The following DLG2 variants were observed in gnomAD, a reference collection of about 807,000 sequenced individuals.
The protein encoded by DLG2 is disks large homolog 2.
Under a neutral mutation model 132.5 loss-of-function variants are expected in DLG2, and 45 were observed. That is an observed-to-expected ratio of 0.34 (90% confidence interval 0.27 to 0.44). The LOEUF (loss-of-function observed/expected upper bound fraction) is 0.44, where lower values mean the gene tolerates loss of function less well. DLG2 is among the 20% of genes least tolerant of loss of function. The probability of loss-of-function intolerance (pLI) is 1.00; values close to 1 mark genes in which losing one functional copy is unlikely to be tolerated. For synonymous variants in DLG2, 424 were observed against 419.6 expected, an observed-to-expected ratio of 1.01 and a Z score of -0.13; for missense variants, 1,045 against 1,196.9, an observed-to-expected ratio of 0.87 and a Z score of 1.87.
At chr11:84,885,870 T>G (rs2088200180) in intron 6 of DLG2, among the ~76,000 whole-genome samples, 1 of 152,024 alleles carries the variant, frequency 6.6e-6, no homozygotes, top group South Asian at 2.1e-4. Flanking sequence ...GCAAGATAAC[T>G]CAATAATATT....
chr11:84,317,103 A>C (rs1166944161), intron 7 of DLG2: 11 of 1,612,440 alleles, frequency 6.8e-6, no homozygotes, highest in South Asian at 3.3e-5. Context: ...ATCCCATCGG[A>C]CCCCCGGCTG....
In DLG2 at chr11:84,678,788, T is replaced by A. The variant is rs553438286; in HGVS notation, c.358-144057A>T. Among the ~76,000 whole-genome samples the A allele has an allele frequency of 1.2e-4, 19 of 152,202 alleles. 1 individual carries two copies. In the South Asian group the frequency reaches 3.5e-3, roughly 28 times the overall value. On this transcript the variant is annotated intron_variant, in intron 6 of 27. Transcript: ENST00000376104. ...AGTGGAATGTCTTTTGAACTAGAAA[T>A]GAACAGAAATTGAGTCTAGTTCCTT...
chr11:85,040,068 C>T (rs1276370439), intron 6 of DLG2, among the ~76,000 whole-genome samples: 2 of 151,834 alleles, frequency 1.3e-5, no homozygotes, highest in Non-Finnish European at 2.9e-5. Context: ...TTCAAAAATG[C>T]TCTGTAACTT....
chr11:83,877,810 T>C (rs951520621), intron 15 of DLG2, among the ~76,000 whole-genome samples: 1 of 152,232 alleles, frequency 6.6e-6, no homozygotes, highest in Non-Finnish European at 1.5e-5. Flanking sequence ...AATAGTAATG[T>C]CCAAGCTATA....
chr11:85,461,489 A>C (rs558522545), intron 3 of DLG2, among the ~76,000 whole-genome samples: 1 of 152,364 alleles, frequency 6.6e-6, no homozygotes, highest in African/African-American at 2.4e-5. Flanking sequence ...GAGTCTGACT[A>C]TGCTGCCATG....
chr11:84,313,912 A>G (rs2098328610), intron 7 of DLG2, among the ~76,000 whole-genome samples: 2 of 152,160 alleles, frequency 1.3e-5, no homozygotes, highest in Admixed American at 1.3e-4. Context: ...TTCCTTACCT[A>G]TGATTATGGT....
intron 8 of DLG2, among the ~76,000 whole-genome samples, chr11:84,225,888 G>A (rs571515933): frequency 4.2e-4 from 64 of 151,536 alleles, no homozygotes; most frequent in African/African-American, 1.5e-3. Flanking sequence ...TCAGCTCACT[G>A]TAACCTCCTC....
At chr11:83,760,398 C>A (rs894105575) in intron 18 of DLG2, among the ~76,000 whole-genome samples, 1 of 152,128 alleles carries the variant, frequency 6.6e-6, no homozygotes. Context: ...AACACATATT[C>A]TTTCTCATTT....
At chr11:84,358,140 C>A (rs934071963) in intron 7 of DLG2, among the ~76,000 whole-genome samples, 3 of 152,006 alleles carry the variant, frequency 2.0e-5, no homozygotes, top group African/African-American at 7.2e-5. Flanking sequence ...TATTTAAACA[C>A]ATACATGTGT....
intron 4 of DLG2, among the ~76,000 whole-genome samples, chr11:85,263,545 C>T (rs1033341105): frequency 5.9e-5 from 9 of 152,174 alleles, no homozygotes; most frequent in Admixed American, 5.9e-4. Flanking sequence ...CTTCAGCCTA[C>T]ACCAGGGAAT....
chr11:83,542,804 C>T (rs186850923), intron 19 of DLG2, among the ~76,000 whole-genome samples: 3 of 152,246 alleles, frequency 2.0e-5, no homozygotes, highest in Non-Finnish European at 4.4e-5. Flanking sequence ...TCAAAAATCA[C>T]CACCCCACAC....
intron 6 of DLG2, among the ~76,000 whole-genome samples, chr11:84,693,743 T>C (rs963408101): frequency 6.6e-5 from 10 of 151,650 alleles, no homozygotes; most frequent in African/African-American, 2.4e-4. Context: ...ACACTGTACT[T>C]GCACCATATG....
chr11:85,359,087 T>C (rs774549908), intron 3 of DLG2, among the ~76,000 whole-genome samples: 30 of 152,344 alleles, frequency 2.0e-4, no homozygotes, highest in Non-Finnish European at 3.5e-4. Context: ...TGATCTTCCC[T>C]AGACTATGCA....
At chr11:84,783,684 T>C (rs2072256480) in intron 6 of DLG2, among the ~76,000 whole-genome samples, 1 of 152,266 alleles carries the variant, frequency 6.6e-6, no homozygotes, top group South Asian at 2.1e-4. Flanking sequence ...GTAATTACTA[T>C]TCCTACTCAA....
intron 11 of DLG2, among the ~76,000 whole-genome samples, chr11:83,983,370 C>T (rs886520900): frequency 2.0e-4 from 30 of 151,986 alleles, no homozygotes; most frequent in African/African-American, 6.3e-4. Context: ...AAAAACCACA[C>T]ACCTAGTAAA....
At chr11:85,569,592 A>T (rs1329226855) in intron 3 of DLG2, among the ~76,000 whole-genome samples, 1 of 152,056 alleles carries the variant, frequency 6.6e-6, no homozygotes, top group East Asian at 1.9e-4. Flanking sequence ...ACTTTGTATG[A>T]TTTCGGCCTT....
chr11:85,431,933 C>G (rs2091213367), intron 3 of DLG2, among the ~76,000 whole-genome samples: 1 of 152,154 alleles, frequency 6.6e-6, no homozygotes, highest in African/African-American at 2.4e-5. Context: ...GTCGGTGCCC[C>G]TTTAAGTCAG....
chr11:85,492,606 T>C (rs919370515), intron 3 of DLG2, among the ~76,000 whole-genome samples: 1 of 152,154 alleles, frequency 6.6e-6, no homozygotes, highest in African/African-American at 2.4e-5. Flanking sequence ...GTACAGAAAA[T>C]AGATTTATAC....
chr11:83,975,060 C>A (rs529281041), intron 12 of DLG2, among the ~76,000 whole-genome samples: 4 of 152,184 alleles, frequency 2.6e-5, no homozygotes, highest in Admixed American at 6.6e-5. Context: ...ATAACTAATG[C>A]TGTCCCTGCA....
Sources: gnomAD v4.1 joint callset for allele counts (sites outside exome capture counted in the v4.1 genomes callset) on GRCh38, gnomAD v4.1.1 for gene constraint, MANE v1.5 for transcripts, NCBI Gene and HGNC (gene_info 2026-07-23, HGNC 2026-07-21) for gene names.